Variants in ZNF362 observed in about 807,000 individuals in gnomAD.
ZNF362 encodes rotund homolog.
A neutral mutation model predicts 42.9 loss-of-function variants in ZNF362; 11 were observed. That is an observed-to-expected ratio of 0.26 (90% CI 0.16 to 0.42). The LOEUF (loss-of-function observed/expected upper bound fraction) is 0.42, where lower values mean the gene tolerates loss of function less well. Among genes scored for constraint, ZNF362 ranks in the 20% least tolerant of loss-of-function variants. The probability of loss-of-function intolerance (pLI) is 1.00; values close to 1 mark genes in which losing one functional copy is unlikely to be tolerated. For missense variants in ZNF362, 362 were observed against 576.2 expected (o/e 0.63, Z 3.81); for synonymous variants, 255 against 257.3 (o/e 0.99, Z 0.09).
chr1:33,280,009 A>G lies in ZNF362; in HGVS notation c.350-115A>G, dbSNP rs752856031. Reference sequence around the variant, plus strand: ...GGTCTCATTTAGTTACCCCTGGGTAATAACTTATGAACGTTAAGGGGATGC... The same window carrying G: ...GGTCTCATTTAGTTACCCCTGGGTAGTAACTTATGAACGTTAAGGGGATGC... On this transcript the variant is annotated intron_variant, in intron 4 of 8. Transcript: ENST00000539719. This position sits in a 1 kb window ranked among gnomAD's most constrained non-coding sequence, Gnocchi z 5.6. 2.2e-5 allele frequency: 28 copies of G among 1,267,926 alleles called. No individual in the cohort carries two copies. The highest frequency in any genetic ancestry group is 2.8e-5 in the Non-Finnish European group (27 of 948,810). The allele number at this position is 1,267,926 out of a possible 1,614,324, so 78.5% of individuals were successfully genotyped here. A position where few individuals can be genotyped will look rare whatever the true frequency, so the allele number is the denominator to read the frequency against.
At chr1:33,188,686 C>G in the ZNF362 span, among the ~76,000 whole-genome samples, 3 of 152,176 alleles carry the variant, frequency 2.0e-5, no homozygotes, top group African/African-American at 7.2e-5. Flanking sequence ...AGGTCAGCCT[C>G]GGCCAGAGGA....
the ZNF362 span, among the ~76,000 whole-genome samples, chr1:33,171,014 G>T: frequency 1.3e-5 from 2 of 152,168 alleles, no homozygotes; most frequent in Non-Finnish European, 2.9e-5. Context: ...CTGTGTCCAG[G>T]TGGCCCCTCC....
At chr1:33,243,108 A>ATGTTATG in the ZNF362 span, among the ~76,000 whole-genome samples, 24 of 144,550 alleles carry the variant, frequency 1.7e-4, no homozygotes, top group African/African-American at 6.4e-4. Context: ...CACAACTGTT[A>ATGTTATG]TTATGTTATG....
intron 1 of ZNF362, among the ~76,000 whole-genome samples, chr1:33,258,878 G>T (rs1645811580): frequency 6.6e-6 from 1 of 152,230 alleles, no homozygotes; most frequent in Non-Finnish European, 1.5e-5. Context: ...AGGAAACCAA[G>T]ACTCAGAGAG....
chr1:33,206,360 C>CA, the ZNF362 span, among the ~76,000 whole-genome samples: 123 of 147,780 alleles, frequency 8.3e-4, 1 homozygote, highest in Admixed American at 1.8e-3. Context: ...AATACCAAAA[C>CA]AAAAAAAAAA....
At chr1:33,288,817 G>C (rs1646052662) in intron 6 of ZNF362, among the ~76,000 whole-genome samples, 1 of 150,110 alleles carries the variant, frequency 6.7e-6, no homozygotes, top group Admixed American at 6.7e-5. Context: ...AGATGTGGGA[G>C]CTGGGGCTGG....
intron 1 of ZNF362, among the ~76,000 whole-genome samples, chr1:33,257,638 A>G (rs1011700857): frequency 5.1e-4 from 78 of 152,070 alleles, no homozygotes; most frequent in African/African-American, 1.8e-3. Context: ...GGGGCTCTAT[A>G]AACATGGCAT....
In ZNF362 at chr1:33,294,684, GT is replaced by G. The variant is rs1646104484; in HGVS notation, c.909-252del. ...GCACTGGGTTGCTGCAAGGGCTCTG[GT>G]GGTGGGCTGGGGACAGCTGGGACCT... On this transcript the variant is annotated intron_variant, in intron 6 of 8. Transcript: ENST00000539719. This position sits in a 1 kb window ranked among gnomAD's most constrained non-coding sequence, Gnocchi z 4.2. 1.3e-5 allele frequency among the ~76,000 whole-genome samples: 2 copies of G among 152,320 alleles called. No homozygotes were observed. The highest frequency in any genetic ancestry group is 3.4e-3 in the Middle Eastern group (1 of 294).
the ZNF362 span, among the ~76,000 whole-genome samples, chr1:33,201,741 G>A: frequency 6.6e-6 from 1 of 152,042 alleles, no homozygotes; most frequent in African/African-American, 2.4e-5. Flanking sequence ...TGTAAAGTAA[G>A]CAGAAGAAAT....
chr1:33,186,229 T>C, the ZNF362 span, among the ~76,000 whole-genome samples: 11 of 152,158 alleles, frequency 7.2e-5, no homozygotes, highest in Non-Finnish European at 1.3e-4. Context: ...GCTGTCATAG[T>C]GTAAACAAGT....
At chr1:33,241,084 T>C in the ZNF362 span, among the ~76,000 whole-genome samples, 1 of 148,118 alleles carries the variant, frequency 6.8e-6, no homozygotes, top group African/African-American at 2.5e-5. Context: ...TATATGACAA[T>C]TCCCCCGCCC....
chr1:33,153,195 C>T, the ZNF362 span, among the ~76,000 whole-genome samples: 562 of 152,260 alleles, frequency 3.7e-3, 3 homozygotes, highest in Non-Finnish European at 4.9e-3. Context: ...GGGCACCCCT[C>T]CCATCTGGAC....
the ZNF362 span, among the ~76,000 whole-genome samples, chr1:33,169,511 A>G: frequency 1.3e-5 from 2 of 152,212 alleles, no homozygotes; most frequent in East Asian, 3.8e-4. Flanking sequence ...TCTAAAGGGC[A>G]GATGTATAAA....
At chr1:33,189,557 G>A in the ZNF362 span, among the ~76,000 whole-genome samples, 1 of 148,424 alleles carries the variant, frequency 6.7e-6, no homozygotes, top group Non-Finnish European at 1.5e-5. Context: ...TTAAGCTGTT[G>A]CCTCTTAGCG....
intron 1 of ZNF362, among the ~76,000 whole-genome samples, chr1:33,264,075 G>A (rs1042642691): frequency 1.3e-5 from 2 of 152,208 alleles, no homozygotes; most frequent in African/African-American, 4.8e-5. Flanking sequence ...CCCACAGGCT[G>A]CCTGCCTTGG....
intron 2 of ZNF362, among the ~76,000 whole-genome samples, chr1:33,273,655 A>G (rs1483011418): frequency 2.6e-5 from 4 of 152,232 alleles, no homozygotes; most frequent in African/African-American, 2.4e-5. Context: ...AGCACCCAGC[A>G]TCACATCACA....
At chr1:33,187,004 G>A in the ZNF362 span, among the ~76,000 whole-genome samples, 1 of 151,682 alleles carries the variant, frequency 6.6e-6, no homozygotes, top group Non-Finnish European at 1.5e-5. Flanking sequence ...GGAAGGGAAG[G>A]CAGCCCCATA....
At chr1:33,228,535 C>T in the ZNF362 span, among the ~76,000 whole-genome samples, 1 of 152,284 alleles carries the variant, frequency 6.6e-6, no homozygotes, top group East Asian at 1.9e-4. Context: ...GCAGTCTTTC[C>T]CTTCTTAGGA....
chr1:33,160,008 G>A, the ZNF362 span: 1 of 1,566,974 alleles, frequency 6.4e-7, no homozygotes, highest in South Asian at 1.1e-5. Flanking sequence ...CTGGGTGAGA[G>A]GAGGAAATCG....
Sources: allele counts gnomAD v4.1 joint callset (sites outside exome capture counted in the v4.1 genomes callset), GRCh38; gene constraint gnomAD v4.1.1; non-coding constraint Gnocchi (gnomAD v3.1); transcripts MANE v1.5; gene names NCBI Gene and HGNC (gene_info 2026-07-23, HGNC 2026-07-21).